The following ADAMTS17 variants were observed in gnomAD, a reference collection of about 807,000 sequenced individuals.
ADAMTS17 encodes the protein ADAM metallopeptidase with thrombospondin type 1 motif 17.
A neutral mutation model predicts 141.5 loss-of-function variants in ADAMTS17; 113 were observed. The ratio of observed to expected loss-of-function variants is 0.80; its 90% CI spans 0.69 to 0.93. The LOEUF is 0.93. ADAMTS17 is among the 40% of genes least tolerant of loss of function. The pLI is 0.00. For missense variants in ADAMTS17, 1,659 were observed against 1,517.9 expected (o/e 1.09, Z -1.54); for synonymous variants, 768 against 630.6 (o/e 1.22, Z -3.27).
chr15:100,096,329 A>G, intron 15 of ADAMTS17, 27 bp downstream of exon 15: 1 of 1,612,210 alleles, frequency 6.2e-7, no homozygotes, highest in Non-Finnish European at 8.5e-7. Context: ...CACTGTAGCC[A>G]CAGCAGCCCC....
In ADAMTS17 at chr15:100,017,455, C is replaced by T. The variant is rs7176552; in HGVS notation, c.2592-19866G>A. On this transcript the variant is annotated intron_variant, in intron 18 of 21. Coordinates refer to ENST00000268070, the MANE Select transcript of ADAMTS17 (RefSeq NM_139057.4). ...CTTCTCCCTGTGGTGTTCAGCCTCT[C>T]CTCTGGCCTCCCTCCCGATGGATCC... 7.7e-3 allele frequency among the ~76,000 whole-genome samples: 1,167 copies of T among 152,348 alleles called. 19 individuals carry two copies. Among genetic ancestry groups the T allele is most frequent in the African/African-American group, 0.027 (1,140 of 41,572 alleles).
chr15:99,992,957 T>C, intron 20 of ADAMTS17, 91 bp downstream of exon 20: 19 of 1,540,760 alleles, frequency 1.2e-5, no homozygotes, highest in Non-Finnish European at 1.7e-5. Context: ...GACTGCCGCG[T>C]AGAATTGGGA....
At chr15:100,211,685 C>T (rs889338922) in intron 7 of ADAMTS17, among the ~76,000 whole-genome samples, 9 of 151,912 alleles carry the variant, frequency 5.9e-5, no homozygotes, top group South Asian at 2.1e-4. Context: ...AAGGTAAAGA[C>T]GAAGAAAAGA....
chr15:100,326,461 C>A (rs533397991), intron 3 of ADAMTS17, among the ~76,000 whole-genome samples: 3 of 152,192 alleles, frequency 2.0e-5, no homozygotes, highest in Non-Finnish European at 4.4e-5. Context: ...ACAGTTATCC[C>A]TGGGGCACAG....
At chr15:100,327,274 A>G (rs1213672060) in intron 3 of ADAMTS17, among the ~76,000 whole-genome samples, 3 of 152,256 alleles carry the variant, frequency 2.0e-5, no homozygotes, top group Non-Finnish European at 4.4e-5. Flanking sequence ...TATAGTATCC[A>G]CCAAATACTC....
intron 3 of ADAMTS17, among the ~76,000 whole-genome samples, chr15:100,291,062 A>G (rs1421231916): frequency 6.6e-6 from 1 of 152,228 alleles, no homozygotes; most frequent in Non-Finnish European, 1.5e-5. Context: ...CAGAATAAAC[A>G]CACAACCCAC....
intron 20 of ADAMTS17, among the ~76,000 whole-genome samples, chr15:99,990,048 G>A (rs890596409): frequency 1.3e-5 from 2 of 152,122 alleles, no homozygotes; most frequent in African/African-American, 2.4e-5. Flanking sequence ...CTCATGGTTC[G>A]AAGTGCATCT....
chr15:100,066,173 C>A (rs2033510133), intron 15 of ADAMTS17, among the ~76,000 whole-genome samples: 1 of 152,160 alleles, frequency 6.6e-6, no homozygotes, highest in Non-Finnish European at 1.5e-5. Flanking sequence ...GTAAACAGTG[C>A]TGCAATAAAC....
At chr15:100,193,020 C>T (rs1256354477) in intron 8 of ADAMTS17, among the ~76,000 whole-genome samples, 2 of 152,238 alleles carry the variant, frequency 1.3e-5, no homozygotes, top group African/African-American at 4.8e-5. Context: ...CTGTCCCAAA[C>T]TCACCTTGGC....
At chr15:99,975,856 C>G (rs142482537) in intron 21 of ADAMTS17, among the ~76,000 whole-genome samples, 189 bp downstream of exon 21, 2 of 136,412 alleles carry the variant, frequency 1.5e-5, no homozygotes, top group African/African-American at 5.5e-5. Flanking sequence ...TAAGCAAACA[C>G]CACTTCCATA....
chr15:99,993,286 T>A lies in ADAMTS17; in HGVS notation c.2797-86A>T. ...TATTAACTCCCTCCAATGTGCCAGG[T>A]GCGGTGTGGGGATGATACAAAGATG... On this transcript the variant is annotated intron_variant, in intron 19 of 21. Coordinates refer to ENST00000268070, the MANE Select transcript of ADAMTS17 (RefSeq NM_139057.4). The surrounding 1 kb of genome is among the most constrained non-coding windows in gnomAD (Gnocchi z 4.3). 6.4e-7 allele frequency: 1 copy of A among 1,559,210 alleles called. No homozygotes were observed. Among genetic ancestry groups the A allele is most frequent in the Non-Finnish European group, 8.8e-7 (1 of 1,135,608 alleles).
At position 100,262,430 on chromosome 15, in the gene ADAMTS17, G is replaced by A. The variant is rs1378349479; in HGVS notation, c.795C>T (p.Tyr265=). 6.8e-6 allele frequency: 11 copies of A among 1,612,726 alleles called. No individual in the cohort carries two copies. In the South Asian group the frequency reaches 9.9e-5, roughly 15 times the overall value. The part of the protein sequence containing the change: ...RFILTVMNMV[Y]NMFQHQSLGI... ...CCAGGCTCTGGTGCTGAAACATATT[G>A]TATACCTATCAAGACAGAAAAAAGA... The change falls in exon 5 of 22, where the codon TAC becomes TAT. Residue 265 remains tyrosine (Y), a synonymous_variant. Coordinates refer to ENST00000268070, the MANE Select transcript of ADAMTS17 (RefSeq NM_139057.4).
chr15:100,122,168 A>C (rs1326209637), intron 12 of ADAMTS17, among the ~76,000 whole-genome samples: 1 of 152,204 alleles, frequency 6.6e-6, no homozygotes, highest in Admixed American at 6.5e-5. Flanking sequence ...AGACCTAAAG[A>C]CACAGGATGC....
At chr15:100,286,284 G>C (rs910426511) in intron 3 of ADAMTS17, among the ~76,000 whole-genome samples, 1 of 152,130 alleles carries the variant, frequency 6.6e-6, no homozygotes, top group African/African-American at 2.4e-5. Flanking sequence ...CCATCCCACC[G>C]CCCTACGCAC....
At chr15:100,056,706 G>T (rs2032602098) in intron 15 of ADAMTS17, among the ~76,000 whole-genome samples, 1 of 152,046 alleles carries the variant, frequency 6.6e-6, no homozygotes, top group African/African-American at 2.4e-5. Context: ...CCGCAACCTG[G>T]GGTCTGGGGA....
At chr15:100,224,617 C>T (rs2042240872) in intron 7 of ADAMTS17, among the ~76,000 whole-genome samples, 1 of 152,208 alleles carries the variant, frequency 6.6e-6, no homozygotes, top group Non-Finnish European at 1.5e-5. Flanking sequence ...ACCCCCAGTG[C>T]AAAGGCGAGG....
intron 7 of ADAMTS17, among the ~76,000 whole-genome samples, chr15:100,250,305 C>T (rs1023291060): frequency 6.6e-6 from 1 of 152,178 alleles, no homozygotes; most frequent in Admixed American, 6.5e-5. Context: ...CTAGTTATCT[C>T]GAGGTACCAG....
chr15:100,101,506 T>G (rs1212207617), intron 14 of ADAMTS17, among the ~76,000 whole-genome samples: 1 of 152,228 alleles, frequency 6.6e-6, no homozygotes, highest in Non-Finnish European at 1.5e-5. Context: ...TTCTTGGTTG[T>G]TAAATCACGC....
chr15:100,002,969 C>T (rs1013850755), intron 18 of ADAMTS17, among the ~76,000 whole-genome samples: 10 of 152,106 alleles, frequency 6.6e-5, no homozygotes, highest in African/African-American at 2.2e-4. Flanking sequence ...CGCCCTGCTC[C>T]TCAGCCAGGG....
Sources: allele counts gnomAD v4.1 joint callset (sites outside exome capture counted in the v4.1 genomes callset), GRCh38; gene constraint gnomAD v4.1.1; non-coding constraint Gnocchi (gnomAD v3.1); transcripts MANE v1.5; gene names NCBI Gene and HGNC (gene_info 2026-07-23, HGNC 2026-07-21).